The following CD47 variants were observed in gnomAD, a reference collection of about 807,000 sequenced individuals.
The protein encoded by CD47 is CD47 molecule, also known as leukocyte surface antigen CD47.
Under a neutral mutation model 44.6 loss-of-function variants are expected in CD47, and 11 were observed. The observed-to-expected ratio is 0.25, with a 90% confidence interval of 0.16 to 0.41. CD47 has a LOEUF of 0.41. CD47 is among the 10% of genes least tolerant of loss of function. CD47 has a pLI of 1.00. For missense variants in CD47, 306 were observed against 386.7 expected (o/e 0.79, Z 1.75); for synonymous variants, 140 against 136.3 (o/e 1.03, Z -0.19).
intron 8 of CD47, 188 bp from the exon 9 acceptor site, chr3:108,050,790 A>G (rs1413314080): frequency 6.0e-6 from 3 of 497,412 alleles, no homozygotes; most frequent in Non-Finnish European, 1.1e-5. Context: ...AAGTCGGGTT[A>G]ATAGTTTAAT....
intron 2 of CD47, among the ~76,000 whole-genome samples, chr3:108,076,623 T>A (rs2079316209): frequency 1.3e-5 from 2 of 152,172 alleles, no homozygotes. Flanking sequence ...AAGAACTCCA[T>A]CTATCTCCTA....
chr3:108,088,435 T>A (rs1472894173), intron 1 of CD47, among the ~76,000 whole-genome samples: 3 of 152,188 alleles, frequency 2.0e-5, no homozygotes, highest in Non-Finnish European at 4.4e-5. Context: ...TAAAAAACAC[T>A]GCCTCTAGAC....
Position 108,051,946 on chromosome 3 carries a change from G to C in CD47, c.902C>G (p.Pro301Arg). Residue 301 changes from proline to arginine, a missense_variant, in exon 8 of 11, where the codon CCT becomes CGT. Physicochemically the swap from Pro to Arg is moderately radical, Grantham distance 103. Around this residue, in one of 5 missense-constraint regions of CD47, gnomAD observed 131 missense variants for 135.3 expected, o/e 0.97. Transcript: ENST00000361309. ...TAATAAACTTTAACTTACCCTAGGA[G>C]GTTGTATAGTCTTCTGATTGGAAGC... ...FVASNQKTIQ[P>R]PRKAVEEPLN... is the part of the protein sequence containing the mutation. 6.7e-7 allele frequency: 1 copy of C among 1,486,808 alleles called. No homozygotes were observed. The highest frequency in any genetic ancestry group is 9.4e-7 in the Non-Finnish European group (1 of 1,067,096). 92.1% of individuals were successfully genotyped at this position (1,486,808 alleles called of 1,614,324 possible). A position where few individuals can be genotyped will look rare whatever the true frequency, so the allele number is the denominator to read the frequency against.
chr3:108,071,119 A>T lies in CD47; in HGVS notation c.464T>A (p.Leu155Gln), dbSNP rs1404646315. ...IVIFPIFAIL[L>Q]FWGQFGIKTL... is the part of the protein sequence containing the mutation. Reference sequence around the variant, plus strand: ...TTTAATACCAAACTGTCCCCAGAACAGGAGTATAGCAAAAATTGGGAAAAT... The same window carrying T: ...TTTAATACCAAACTGTCCCCAGAACTGGAGTATAGCAAAAATTGGGAAAAT... Residue 155 changes from leucine to glutamine, a missense_variant, in exon 3 of 11, where the codon CTG becomes CAG. Coordinates refer to ENST00000361309, the MANE Select transcript of CD47 (RefSeq NM_001777.4). 6.8e-7 allele frequency: 1 copy of T among 1,466,598 alleles called. No homozygotes were observed. Among genetic ancestry groups the T allele is most frequent in the Non-Finnish European group, 9.4e-7 (1 of 1,063,388 alleles). The allele number at this position is 1,466,598 out of a possible 1,614,324, so 90.8% of individuals were successfully genotyped here. A position where few individuals can be genotyped will look rare whatever the true frequency, so the allele number is the denominator to read the frequency against.
At chr3:108,070,092 T>C (rs1194403337) in intron 3 of CD47, among the ~76,000 whole-genome samples, 4 of 152,106 alleles carry the variant, frequency 2.6e-5, no homozygotes, top group African/African-American at 9.7e-5. Flanking sequence ...GCTTAAAACA[T>C]ATAATCAATC....
chr3:108,063,344 G>T (rs1335060360), intron 3 of CD47, among the ~76,000 whole-genome samples: 1 of 152,198 alleles, frequency 6.6e-6, no homozygotes, highest in Non-Finnish European at 1.5e-5. Flanking sequence ...TCTCTGTGGG[G>T]TCTACTAATG....
At chr3:108,090,601 A>T (rs1377991760) in intron 1 of CD47, among the ~76,000 whole-genome samples, 1 of 146,890 alleles carries the variant, frequency 6.8e-6, no homozygotes, top group Non-Finnish European at 1.5e-5. Flanking sequence ...GTGCATTTGG[A>T]GATGGAGAAC....
At chr3:108,071,036 C>A in intron 3 of CD47, 57 bp downstream of exon 3, 1 of 740,228 alleles carries the variant, frequency 1.4e-6, no homozygotes, top group South Asian at 1.9e-5. Context: ...GACAATGTCT[C>A]GTAGAAATAA....
In CD47 at chr3:108,080,136, T is replaced by A. The variant is rs200864999; in HGVS notation, c.255A>T (p.Lys85Asn). The stretch of plus-strand genomic sequence containing the variant: ...CTTTTAGTAATTGTGAGACTTCAAT[T>A]TTTGCACTACTAAAGTCAGTGGGGA... ...STVPTDFSSAKIEVSQLLKGD... is the reference protein window; with the variant it reads ...STVPTDFSSANIEVSQLLKGD... The change falls in exon 2 of 11, where the codon AAA (lysine) becomes AAT (asparagine). Residue 85 changes from lysine to asparagine, a missense_variant. Transcript: ENST00000361309. 7.0e-5 allele frequency: 113 copies of A among 1,613,022 alleles called. No individual in the cohort carries two copies. The African/African-American group carries it at 1.3e-3, about 18-fold the overall frequency.
At chr3:108,057,901 T>C (rs1392376056) in intron 6 of CD47, among the ~76,000 whole-genome samples, 1 of 152,178 alleles carries the variant, frequency 6.6e-6, no homozygotes, top group Non-Finnish European at 1.5e-5. Context: ...CCAAGCCATA[T>C]ATACAGCTAA....
intron 3 of CD47, among the ~76,000 whole-genome samples, chr3:108,063,408 C>G (rs1428279982): frequency 3.3e-5 from 5 of 152,150 alleles, no homozygotes; most frequent in African/African-American, 1.2e-4. Flanking sequence ...TTTCTTTTGG[C>G]TCATTTTCTT....
intron 1 of CD47, among the ~76,000 whole-genome samples, chr3:108,080,700 A>T (rs1057255490): frequency 1.3e-5 from 2 of 151,886 alleles, no homozygotes; most frequent in African/African-American, 4.8e-5. Flanking sequence ...ATGTAGAAAA[A>T]TATTGTCCTT....
chr3:108,073,162 A>G (rs1470073142), intron 2 of CD47, among the ~76,000 whole-genome samples: 1 of 152,014 alleles, frequency 6.6e-6, no homozygotes, highest in Non-Finnish European at 1.5e-5. Context: ...CCTTCAAAAT[A>G]TAGCCAATAT....
rs1559963753 is a variant in CD47 at position 108,044,460 on chromosome 3, A to AAAAAAAAAAAC, written c.*2827_*2828insGTTTTTTTTTT. 1 of 91,550 alleles carries AAAAAAAAAAAC rather than the reference A, an allele frequency of 1.1e-5. No individual in the cohort carries two copies. The highest frequency in any genetic ancestry group is 2.1e-5 in the Non-Finnish European group (1 of 47,556). The allele number at this position is 91,550 out of a possible 1,614,324, so 5.7% of individuals were successfully genotyped here. On this transcript the variant is annotated 3_prime_UTR_variant, in exon 11 of 11. Transcript: ENST00000361309. Reference sequence around the variant, plus strand: ...AAAAAAAAAAAAACAAAAAAAAAAAACAGAAAGAAAGAAAACTCTCAAGCT... The same window carrying AAAAAAAAAAAC: ...AAAAAAAAAAAAACAAAAAAAAAAAAAAAAAAAAAACCAGAAAGAAAGAAAACTCTCAAGCT...
intron 3 of CD47, among the ~76,000 whole-genome samples, chr3:108,061,369 T>C (rs1345303493): frequency 5.9e-5 from 9 of 152,036 alleles, no homozygotes; most frequent in Non-Finnish European, 1.0e-4. Context: ...ATTAACAATA[T>C]TGAGAAAAAG....
In CD47 at chr3:108,071,126, T is replaced by C. The variant is rs750595130; in HGVS notation, c.457A>G (p.Ile153Val). ...CCAAACTGTCCCCAGAACAGGAGTA[T>C]AGCAAAAATTGGGAAAATAACAATA... ...ILIVIFPIFAILLFWGQFGIK... is the reference protein window; with the variant it reads ...ILIVIFPIFAVLLFWGQFGIK... Residue 153 changes from isoleucine to valine, a missense_variant, in exon 3 of 11, where the codon ATA (isoleucine) becomes GTA (valine). Ile to Val is a conservative substitution (Grantham distance 29). Around this residue, in one of 5 missense-constraint regions of CD47, gnomAD observed 65 missense variants for 119.9 expected, o/e 0.54. Coordinates refer to ENST00000361309, the MANE Select transcript of CD47 (RefSeq NM_001777.4). 18 of 1,492,522 alleles carry C rather than the reference T, an allele frequency of 1.2e-5. No homozygotes were observed. Among genetic ancestry groups the C allele is most frequent in the Non-Finnish European group, 1.5e-5 (16 of 1,086,386 alleles). The allele number at this position is 1,492,522 out of a possible 1,614,324, so 92.5% of individuals were successfully genotyped here.
chr3:108,066,060 G>T (rs931348900), intron 3 of CD47, among the ~76,000 whole-genome samples: 2 of 151,788 alleles, frequency 1.3e-5, no homozygotes, highest in Admixed American at 1.3e-4. Flanking sequence ...TGCTTTCATG[G>T]CTGAATTACT....
intron 1 of CD47, among the ~76,000 whole-genome samples, chr3:108,085,352 T>G (rs939274439): frequency 2.0e-5 from 3 of 152,150 alleles, no homozygotes; most frequent in Admixed American, 6.5e-5. Context: ...TTAGGCAAGT[T>G]ACTTACCTCT....
Position 108,073,314 on chromosome 3 carries a change from G to A in CD47, c.401-2132C>T, listed in dbSNP as rs115168495. On this transcript the variant is annotated intron_variant, in intron 2 of 10. Coordinates refer to ENST00000361309, the MANE Select transcript of CD47 (RefSeq NM_001777.4). Reference sequence around the variant, plus strand: ...GAATATATTAACAAAAGTAAGAGGTGCATTCGATCCTGGTGTGACCACTCA... The same window carrying A: ...GAATATATTAACAAAAGTAAGAGGTACATTCGATCCTGGTGTGACCACTCA... Among the ~76,000 whole-genome samples, 1,413 of 152,070 alleles carry A rather than the reference G, an allele frequency of 9.3e-3. 19 individuals are homozygous for A. The highest frequency in any genetic ancestry group is 0.014 in the Non-Finnish European group (970 of 67,980).
Sources: allele counts gnomAD v4.1 joint callset (sites outside exome capture counted in the v4.1 genomes callset), GRCh38; gene constraint gnomAD v4.1.1; regional missense constraint gnomAD v4.1.1; transcripts MANE v1.5; gene names NCBI Gene and HGNC (gene_info 2026-07-23, HGNC 2026-07-21).